Variants in DIS3L2 observed in about 807,000 individuals in gnomAD.
DIS3L2 encodes DIS3 like 3'-5' exoribonuclease 2, also known as DIS3-like exonuclease 2.
A neutral mutation model predicts 97.5 loss-of-function variants in DIS3L2; 34 were observed. The ratio of observed to expected loss-of-function variants is 0.35; its 90% CI spans 0.27 to 0.46. The LOEUF is 0.46. DIS3L2 is among the 20% of genes least tolerant of loss of function. The pLI, the probability that DIS3L2 is intolerant of heterozygous loss-of-function variation, is 1.00. For synonymous variants in DIS3L2, 435 were observed against 445.2 expected (o/e 0.98, Z 0.29); for missense variants, 1,038 against 1,146.0 (o/e 0.91, Z 1.36).
At chr2:232,328,379 C>T (rs1375825319) in intron 14 of DIS3L2, 3 of 152,342 alleles carry the variant, frequency 2.0e-5, no homozygotes, top group Admixed American at 6.5e-5. Flanking sequence ...TCTTCCTCTG[C>T]ATCTCAGGCT....
intron 6 of DIS3L2, among the ~76,000 whole-genome samples, chr2:232,092,947 G>A (rs563652854): frequency 6.6e-5 from 10 of 152,162 alleles, no homozygotes; most frequent in Non-Finnish European, 1.3e-4. Flanking sequence ...AGTAGTGACA[G>A]TGGGTATTCT....
chr2:232,018,367 C>T (rs1270701662), intron 3 of DIS3L2, among the ~76,000 whole-genome samples: 5 of 152,176 alleles, frequency 3.3e-5, no homozygotes, highest in Admixed American at 1.3e-4. Flanking sequence ...CCAGGGCCTC[C>T]CCCCTACATA....
chr2:232,088,223 A>G (rs1192684995), intron 6 of DIS3L2, among the ~76,000 whole-genome samples: 1 of 148,356 alleles, frequency 6.7e-6, no homozygotes, highest in African/African-American at 2.5e-5. Context: ...ACATGGTGAA[A>G]CCCTGTCTCT....
At chr2:232,328,749 G>A (rs939951400) in intron 14 of DIS3L2, 1 of 152,292 alleles carries the variant, frequency 6.6e-6, no homozygotes, top group Non-Finnish European at 1.5e-5. Flanking sequence ...TCTCCCTGAG[G>A]GGGCGGCTTT....
intron 13 of DIS3L2, among the ~76,000 whole-genome samples, chr2:232,271,564 T>C (rs1694009093): frequency 6.6e-6 from 1 of 152,208 alleles, no homozygotes; most frequent in African/African-American, 2.4e-5. Context: ...CAGCGAGGCT[T>C]GAAGAATATT....
intron 14 of DIS3L2, among the ~76,000 whole-genome samples, chr2:232,323,040 G>T (rs1695479392): frequency 6.6e-6 from 1 of 152,222 alleles, no homozygotes; most frequent in African/African-American, 2.4e-5. Flanking sequence ...CCCCCAGGTG[G>T]CCAGGCTTCT....
intron 14 of DIS3L2, 57 bp downstream of exon 14, chr2:232,300,176 T>C: frequency 6.5e-7 from 1 of 1,533,622 alleles, no homozygotes. Flanking sequence ...GTGGTGCCTG[T>C]GGGCTTTCTG....
intron 14 of DIS3L2, among the ~76,000 whole-genome samples, chr2:232,302,859 C>T (rs1694896016): frequency 6.6e-6 from 1 of 152,142 alleles, no homozygotes; most frequent in African/African-American, 2.4e-5. Context: ...CACGCCCGGC[C>T]TGAGCCTCTA....
intron 1 of DIS3L2, among the ~76,000 whole-genome samples, chr2:232,001,557 C>CTTTTTTTTTTTTTTTT (rs57766848): frequency 1.1e-3 from 69 of 61,916 alleles, no homozygotes; most frequent in African/African-American, 2.3e-3. Flanking sequence ...TGCCATTTGT[C>CTTTTTTTTTTTTTTTT]TTTTTTTTTT....
At chr2:232,238,463 G>A (rs1692993405) in intron 10 of DIS3L2, 70 bp from the exon 11 acceptor site, 1 of 1,314,474 alleles carries the variant, frequency 7.6e-7, no homozygotes. Context: ...TACATTCTAG[G>A]AAAGGACTCC....
At chr2:232,088,580 T>G (rs1696738773) in intron 6 of DIS3L2, among the ~76,000 whole-genome samples, 1 of 151,752 alleles carries the variant, frequency 6.6e-6, no homozygotes, top group African/African-American at 2.4e-5. Context: ...AAAAAAGTTT[T>G]TTTTGTCATT....
chr2:232,153,770 C>T (rs1362005527), intron 8 of DIS3L2, among the ~76,000 whole-genome samples: 2 of 151,330 alleles, frequency 1.3e-5, no homozygotes, highest in Non-Finnish European at 2.9e-5. Flanking sequence ...TGGGGAAGTT[C>T]TCCTGGATAA....
intron 9 of DIS3L2, 79 bp from the exon 10 acceptor site, chr2:232,210,247 G>C (rs768968186): frequency 1.8e-6 from 2 of 1,142,258 alleles, no homozygotes; most frequent in African/African-American, 3.0e-5. Context: ...AAAATTCACT[G>C]TTCTTTAAAG....
intron 5 of DIS3L2, among the ~76,000 whole-genome samples, chr2:232,039,799 C>T (rs1216485434): frequency 6.6e-6 from 1 of 152,130 alleles, no homozygotes; most frequent in Non-Finnish European, 1.5e-5. Flanking sequence ...GGATAGAATC[C>T]AGATCTCTTG....
At chr2:232,055,765 A>G (rs1017181199) in intron 5 of DIS3L2, among the ~76,000 whole-genome samples, 5 of 152,216 alleles carry the variant, frequency 3.3e-5, no homozygotes, top group African/African-American at 1.2e-4. Flanking sequence ...TATTTAGTAT[A>G]AGGAGAGACA....
chr2:232,250,735 G>C (rs909960035), intron 12 of DIS3L2, among the ~76,000 whole-genome samples: 1 of 152,152 alleles, frequency 6.6e-6, no homozygotes, highest in Admixed American at 6.5e-5. Flanking sequence ...GTGACACCTT[G>C]GGGGAGATTG....
At chr2:232,273,204 A>G (rs1694051063) in intron 13 of DIS3L2, among the ~76,000 whole-genome samples, 2 of 151,958 alleles carry the variant, frequency 1.3e-5, no homozygotes, top group Non-Finnish European at 2.9e-5. Context: ...CTTTATTTAT[A>G]CCTGTTACCT....
chr2:232,265,090 C>G (rs548133128), intron 13 of DIS3L2, among the ~76,000 whole-genome samples: 2 of 152,356 alleles, frequency 1.3e-5, no homozygotes, highest in East Asian at 3.9e-4. Flanking sequence ...TGAACACACT[C>G]TGTTTCTCAT....
chr2:232,321,547 T>G (rs1695432253), intron 14 of DIS3L2, among the ~76,000 whole-genome samples: 1 of 152,134 alleles, frequency 6.6e-6, no homozygotes, highest in Admixed American at 6.5e-5. Context: ...GGAGGCCCAG[T>G]GCGTCTCTGT....
Sources: gnomAD v4.1 joint callset for allele counts (sites outside exome capture counted in the v4.1 genomes callset) on GRCh38, gnomAD v4.1.1 for gene constraint, MANE v1.5 for transcripts, NCBI Gene and HGNC (gene_info 2026-07-23, HGNC 2026-07-21) for gene names.